ADAMTS3: variants seen among roughly 807,000 people sequenced by gnomAD.
ADAMTS3 encodes ADAM metallopeptidase with thrombospondin type 1 motif 3, also known as A disintegrin and metalloproteinase with thrombospondin motifs 3.
In ADAMTS3, 73 loss-of-function variants were observed where a neutral mutation model predicts 129.0. The ratio of observed to expected loss-of-function variants is 0.57; its 90% CI spans 0.47 to 0.69. The LOEUF is 0.69. ADAMTS3 is among the 30% of genes least tolerant of loss of function. The pLI is 0.00. For missense variants in ADAMTS3, 1,457 were observed against 1,514.5 expected (o/e 0.96, Z 0.63); for synonymous variants, 477 against 510.8 (o/e 0.93, Z 0.89).
intron 4 of ADAMTS3, among the ~76,000 whole-genome samples, chr4:72,343,117 G>A (rs940037325): frequency 1.3e-5 from 2 of 152,100 alleles, no homozygotes; most frequent in African/African-American, 4.8e-5. Context: ...AGATTAGTTG[G>A]ACCAGGTGTA....
At chr4:72,490,474 C>T (rs1719710864) in intron 3 of ADAMTS3, among the ~76,000 whole-genome samples, 1 of 151,808 alleles carries the variant, frequency 6.6e-6, no homozygotes, top group Non-Finnish European at 1.5e-5. Context: ...ACTACTTTGG[C>T]AATTTCAGGT....
chr4:72,295,445 T>C (rs1011204213), intron 19 of ADAMTS3, among the ~76,000 whole-genome samples: 1 of 151,970 alleles, frequency 6.6e-6, no homozygotes, highest in Non-Finnish European at 1.5e-5. Flanking sequence ...AAAATAAATA[T>C]AACAGTTGAA....
At chr4:72,306,122 C>A in intron 15 of ADAMTS3, 55 bp from the exon 16 acceptor site, 12 of 1,405,630 alleles carry the variant, frequency 8.5e-6, no homozygotes, top group Non-Finnish European at 1.2e-5. Context: ...AAAGCAACAA[C>A]CATGGTTAGT....
At chr4:72,403,194 T>C (rs1036095548) in intron 4 of ADAMTS3, among the ~76,000 whole-genome samples, 3 of 152,204 alleles carry the variant, frequency 2.0e-5, no homozygotes, top group Non-Finnish European at 4.4e-5. Flanking sequence ...CTATTTGTAC[T>C]GAGTGAGGCC....
Position 72,361,889 on chromosome 4 carries a change from A to T in ADAMTS3, c.662-22196T>A, listed in dbSNP as rs567695383. On this transcript the variant is annotated intron_variant, in intron 4 of 21. Coordinates refer to ENST00000286657, the MANE Select transcript of ADAMTS3 (RefSeq NM_014243.3). ...TATTAGCAAAATTTTAAAATTTACAACACTAATTTTAAAATTTCTCCTGAG... is the reference window on the plus strand; with the variant it reads ...TATTAGCAAAATTTTAAAATTTACATCACTAATTTTAAAATTTCTCCTGAG... Among the ~76,000 whole-genome samples the T allele has an allele frequency of 2.0e-5, 3 of 152,264 alleles. No individual in the cohort carries two copies. The East Asian group carries it at 5.8e-4, about 29-fold the overall frequency.
At chr4:72,537,987 A>G (rs902538027) in intron 3 of ADAMTS3, among the ~76,000 whole-genome samples, 1 of 152,212 alleles carries the variant, frequency 6.6e-6, no homozygotes, top group African/African-American at 2.4e-5. Context: ...GTTGAAAAGG[A>G]AACTAACTGT....
At chr4:72,303,830 T>C (rs940191959) in intron 17 of ADAMTS3, 87 bp downstream of exon 17, 8 of 1,392,614 alleles carry the variant, frequency 5.7e-6, no homozygotes, top group Non-Finnish European at 8.0e-6. Context: ...CAAAGTACAC[T>C]TAATGTTCAA....
chr4:72,323,081 T>C lies in ADAMTS3; in HGVS notation c.878A>G (p.His293Arg). The stretch of plus-strand genomic sequence containing the variant: ...TATATGCACTCCGAGGGACTCATCA[T>C]GGTAAATTTCATTCACCTAGCAACA... ...TLMNIVNEIY[H>R]DESLGVHINV... Residue 293 changes from histidine (H) to arginine (R), a missense_variant, in exon 6 of 22, where the codon CAT becomes CGT. Physicochemically the swap from His to Arg is conservative, Grantham distance 29. Coordinates refer to ENST00000286657, the MANE Select transcript of ADAMTS3 (RefSeq NM_014243.3). 3 of 1,613,376 alleles carry C rather than the reference T, an allele frequency of 1.9e-6. No individual in the cohort carries two copies. Among genetic ancestry groups the C allele is most frequent in the East Asian group, 2.2e-5 (1 of 44,850 alleles).
intron 3 of ADAMTS3, among the ~76,000 whole-genome samples, chr4:72,488,773 T>G (rs1719655714): frequency 6.6e-6 from 1 of 151,922 alleles, no homozygotes; most frequent in African/African-American, 2.4e-5. Flanking sequence ...GTCATCAATA[T>G]TTTTTCTTTA....
At chr4:72,568,599 G>A in intron 1 of ADAMTS3, 95 bp downstream of exon 1, 2 of 917,218 alleles carry the variant, frequency 2.2e-6, no homozygotes, top group Non-Finnish European at 1.7e-6. Flanking sequence ...AGGGTGGGAG[G>A]AGAAGGAGGA....
At chr4:72,432,632 A>G (rs1280520645) in intron 3 of ADAMTS3, among the ~76,000 whole-genome samples, 1 of 151,998 alleles carries the variant, frequency 6.6e-6, no homozygotes, top group Non-Finnish European at 1.5e-5. Context: ...AGATTATGAT[A>G]CTTAAGTATT....
At chr4:72,352,680 T>C (rs914333492) in intron 4 of ADAMTS3, among the ~76,000 whole-genome samples, 11 of 152,128 alleles carry the variant, frequency 7.2e-5, no homozygotes, top group African/African-American at 2.4e-4. Flanking sequence ...ATCAGTTTAC[T>C]CTACCAGGAA....
intron 3 of ADAMTS3, among the ~76,000 whole-genome samples, chr4:72,528,495 GTTGT>G (rs1412409340): frequency 1.4e-5 from 2 of 142,226 alleles, no homozygotes; most frequent in African/African-American, 5.3e-5. Context: ...ATATGCAATT[GTTGT>G]TTGTCAATTA....
intron 3 of ADAMTS3, among the ~76,000 whole-genome samples, chr4:72,497,600 TTAAGGAA>T (rs1719902061): frequency 6.6e-6 from 1 of 151,608 alleles, no homozygotes. Flanking sequence ...GCTCAGTTTT[TTAAGGAA>T]AGTATATTTT....
chr4:72,517,445 G>C (rs1206144580), intron 3 of ADAMTS3, among the ~76,000 whole-genome samples: 1 of 152,100 alleles, frequency 6.6e-6, no homozygotes, highest in Non-Finnish European at 1.5e-5. Flanking sequence ...GGTAGAATTC[G>C]GCTGTGAATC....
At chr4:72,404,493 A>C (rs750863114) in intron 4 of ADAMTS3, among the ~76,000 whole-genome samples, 22 of 152,056 alleles carry the variant, frequency 1.4e-4, no homozygotes, top group Non-Finnish European at 2.9e-4. Context: ...TTACACCATA[A>C]ACAAAAATCA....
chr4:72,457,550 A>G (rs968835506), intron 3 of ADAMTS3, among the ~76,000 whole-genome samples: 1 of 151,696 alleles, frequency 6.6e-6, no homozygotes, highest in Non-Finnish European at 1.5e-5. Flanking sequence ...ACTGGGAGAC[A>G]ACAAAAGATG....
chr4:72,372,886 C>T (rs147933773), intron 4 of ADAMTS3, among the ~76,000 whole-genome samples: 8 of 152,148 alleles, frequency 5.3e-5, no homozygotes, highest in East Asian at 1.9e-4. Flanking sequence ...CCAAAAATTA[C>T]GGCAATCATA....
At chr4:72,533,651 A>C (rs1721107047) in intron 3 of ADAMTS3, among the ~76,000 whole-genome samples, 1 of 151,982 alleles carries the variant, frequency 6.6e-6, no homozygotes, top group African/African-American at 2.4e-5. Flanking sequence ...ATATGTATAT[A>C]TACATATATA....
Sources: gnomAD v4.1 joint callset for allele counts (sites outside exome capture counted in the v4.1 genomes callset) on GRCh38, gnomAD v4.1.1 for gene constraint, MANE v1.5 for transcripts, NCBI Gene and HGNC (gene_info 2026-07-23, HGNC 2026-07-21) for gene names.